The following DOCK1 variants were observed in gnomAD, a reference collection of about 807,000 sequenced individuals.
DOCK1 encodes the protein dedicator of cytokinesis protein 1.
In DOCK1, 138 loss-of-function variants were observed where a neutral mutation model predicts 262.7. That is an observed-to-expected ratio of 0.53 (90% confidence interval 0.46 to 0.61). The LOEUF is 0.61. Among genes scored for constraint, DOCK1 ranks in the 20% least tolerant of loss-of-function variants. The pLI, the probability that DOCK1 is intolerant of heterozygous loss-of-function variation, is 0.00. For synonymous variants in DOCK1, 866 were observed against 867.4 expected (o/e 1.00, Z 0.03); for missense variants, 1,908 against 2,370.7 (o/e 0.80, Z 4.05).
At chr10:127,188,420 C>T (rs1007305244) in intron 27 of DOCK1, among the ~76,000 whole-genome samples, 1 of 152,130 alleles carries the variant, frequency 6.6e-6, no homozygotes, top group African/African-American at 2.4e-5. Context: ...AGACGCAAAA[C>T]ATTTAGAATT....
intron 1 of DOCK1, among the ~76,000 whole-genome samples, chr10:126,955,780 T>C (rs992914773): frequency 1.6e-4 from 24 of 152,078 alleles, no homozygotes; most frequent in Non-Finnish European, 3.4e-4. Context: ...AGCAGTTCAG[T>C]GGCTCACTCT....
intron 10 of DOCK1, among the ~76,000 whole-genome samples, chr10:127,006,141 C>T (rs1041756871): frequency 3.3e-5 from 5 of 152,170 alleles, no homozygotes; most frequent in Non-Finnish European, 5.9e-5. Flanking sequence ...GCCCCTGCAG[C>T]GGAGTTGCTG....
At chr10:127,031,138 T>A (rs966628287) in intron 16 of DOCK1, among the ~76,000 whole-genome samples, 3 of 152,236 alleles carry the variant, frequency 2.0e-5, no homozygotes, top group Non-Finnish European at 4.4e-5. Context: ...TTTAGTTTTC[T>A]GTATTGACCC....
chr10:127,012,470 G>T lies in DOCK1; in HGVS notation c.1201+96G>T. On this transcript the variant is annotated intron_variant, in intron 12 of 51. Transcript: ENST00000623213. The surrounding 1 kb of genome is among the most constrained non-coding windows in gnomAD (Gnocchi z 4.0). ...TTTTAGTTTGATGTTGATCATGATGGTGGTGATAATGATGGGGATGACAGT... is the reference window on the plus strand; with the variant it reads ...TTTTAGTTTGATGTTGATCATGATGTTGGTGATAATGATGGGGATGACAGT... 2 of 1,046,484 alleles carry T rather than the reference G, an allele frequency of 1.9e-6. No individual in the cohort carries two copies. The highest frequency in any genetic ancestry group is 2.9e-6 in the Non-Finnish European group (2 of 685,868). The allele number at this position is 1,046,484 out of a possible 1,614,324, so 64.8% of individuals were successfully genotyped here. A position where few individuals can be genotyped will look rare whatever the true frequency, so the allele number is the denominator to read the frequency against.
At chr10:126,906,984 G>A (rs1428071853) in intron 1 of DOCK1, among the ~76,000 whole-genome samples, 3 of 152,180 alleles carry the variant, frequency 2.0e-5, no homozygotes, top group African/African-American at 7.2e-5. Context: ...CCATTTTGCA[G>A]ATGAGGAAAC....
At chr10:127,078,509 C>T (rs1334331316) in intron 23 of DOCK1, among the ~76,000 whole-genome samples, 2 of 151,916 alleles carry the variant, frequency 1.3e-5, no homozygotes, top group African/African-American at 2.4e-5. Flanking sequence ...GCTGAAGAGG[C>T]GAGAGTGTCA....
At chr10:127,164,717 A>G (rs914186576) in intron 27 of DOCK1, among the ~76,000 whole-genome samples, 2 of 152,222 alleles carry the variant, frequency 1.3e-5, no homozygotes, top group African/African-American at 4.8e-5. Context: ...TCATATTTTC[A>G]TAATATAAAA....
intron 29 of DOCK1, among the ~76,000 whole-genome samples, chr10:127,259,699 G>A (rs1201772904): frequency 6.6e-6 from 1 of 152,174 alleles, no homozygotes. Flanking sequence ...AAGGTCAGGC[G>A]GGATGGGCTC....
chr10:127,384,603 T>A (rs1053892330), intron 37 of DOCK1, among the ~76,000 whole-genome samples, 187 bp from the exon 38 acceptor site: 1 of 152,232 alleles, frequency 6.6e-6, no homozygotes, highest in Non-Finnish European at 1.5e-5. Flanking sequence ...ATGCCTCCCC[T>A]GTGTCTTTTA....
At chr10:127,334,633 T>TTTA (rs2063119193) in intron 29 of DOCK1, among the ~76,000 whole-genome samples, 1 of 152,230 alleles carries the variant, frequency 6.6e-6, no homozygotes, top group South Asian at 2.1e-4. Flanking sequence ...TTGACATAAT[T>TTTA]TGCCTGTGAT....
intron 25 of DOCK1, among the ~76,000 whole-genome samples, chr10:127,112,690 C>T (rs2048939031): frequency 6.6e-6 from 1 of 151,960 alleles, no homozygotes; most frequent in African/African-American, 2.4e-5. Flanking sequence ...TATATGAATC[C>T]CAAATTATTG....
intron 27 of DOCK1, among the ~76,000 whole-genome samples, chr10:127,178,641 T>G (rs2055417553): frequency 6.6e-6 from 1 of 152,208 alleles, no homozygotes; most frequent in Non-Finnish European, 1.5e-5. Context: ...AAGGAAGTCC[T>G]TGGTGCTTTA....
intron 43 of DOCK1, among the ~76,000 whole-genome samples, chr10:127,413,009 C>A (rs1301232859): frequency 2.0e-5 from 3 of 152,216 alleles, no homozygotes; most frequent in Non-Finnish European, 4.4e-5. Flanking sequence ...CACGTCCAAC[C>A]TGGACACCCT....
At chr10:127,120,437 G>A (rs1008584827) in intron 25 of DOCK1, among the ~76,000 whole-genome samples, 1 of 152,160 alleles carries the variant, frequency 6.6e-6, no homozygotes, top group Non-Finnish European at 1.5e-5. Flanking sequence ...TTGATGAAAT[G>A]AATTTTAGCA....
At chr10:127,408,039 G>A (rs1405586984) in intron 40 of DOCK1, among the ~76,000 whole-genome samples, 3 of 152,034 alleles carry the variant, frequency 2.0e-5, no homozygotes, top group Non-Finnish European at 4.4e-5. Flanking sequence ...CAGAACACAC[G>A]TGTTGAAATC....
intron 27 of DOCK1, among the ~76,000 whole-genome samples, chr10:127,220,039 A>T (rs912596497): frequency 6.6e-6 from 1 of 152,160 alleles, no homozygotes; most frequent in Non-Finnish European, 1.5e-5. Flanking sequence ...AGCACAGAGC[A>T]TGAGTTCAAA....
intron 27 of DOCK1, among the ~76,000 whole-genome samples, chr10:127,202,323 C>CA (rs201719816): frequency 1.0e-3 from 131 of 125,476 alleles, no homozygotes; most frequent in Middle Eastern, 4.0e-3. Context: ...ACTCTGTCTC[C>CA]AAAAAAAAAA....
intron 29 of DOCK1, among the ~76,000 whole-genome samples, chr10:127,296,146 A>T (rs965483585): frequency 6.6e-6 from 1 of 152,144 alleles, no homozygotes; most frequent in Non-Finnish European, 1.5e-5. Context: ...GACTGTTTTT[A>T]AAAGATGGAG....
chr10:127,417,229 T>C (rs1408425459), intron 44 of DOCK1, among the ~76,000 whole-genome samples: 1 of 152,218 alleles, frequency 6.6e-6, no homozygotes, highest in African/African-American at 2.4e-5. Flanking sequence ...CCCTGGGACA[T>C]GGTCCCCGTG....
Sources: gnomAD v4.1 joint callset for allele counts (sites outside exome capture counted in the v4.1 genomes callset) on GRCh38, gnomAD v4.1.1 for gene constraint, Gnocchi (gnomAD v3.1) non-coding constraint, MANE v1.5 for transcripts, NCBI Gene and HGNC (gene_info 2026-07-23, HGNC 2026-07-21) for gene names.